Variants in TSC2 observed in about 807,000 individuals in gnomAD.
The protein encoded by TSC2 is tuberin.
In TSC2, 29 loss-of-function variants were observed where a neutral mutation model predicts 202.2. That is an observed-to-expected ratio of 0.14 (90% CI 0.11 to 0.20). The LOEUF (loss-of-function observed/expected upper bound fraction) is 0.20, where lower values mean the gene tolerates loss of function less well. Ranked by LOEUF, TSC2 falls within the 10% of genes least tolerant of loss-of-function variation. TSC2 has a pLI of 1.00. For synonymous variants in TSC2, 1,349 were observed against 1,044.0 expected (o/e 1.29, Z -5.63); for missense variants, 2,429 against 2,420.0 (o/e 1.00, Z -0.08).
At chr16:2,071,480 C>T in intron 17 of TSC2, 30 bp from the exon 18 acceptor site, 1 of 1,612,130 alleles carries the variant, frequency 6.2e-7, no homozygotes, top group Non-Finnish European at 8.5e-7. Flanking sequence ...ACGAGCTTGG[C>T]TCTGGCTTTC....
rs2089828784 is a variant in TSC2, at chr16:2,079,332, G to A, written c.3188G>A (p.Gly1063Glu). The A allele has an allele frequency of 6.2e-7, 1 of 1,613,070 alleles. No individual in the cohort carries two copies. The highest frequency in any genetic ancestry group is 8.5e-7 in the Non-Finnish European group (1 of 1,180,026). The change falls in exon 28 of 42, where the codon GGG (glycine) becomes GAG (glutamate). Residue 1063 changes from glycine to glutamate, a missense_variant. By Grantham distance (98) the Gly-to-Glu change is moderately conservative. Transcript: ENST00000219476. The surrounding 1 kb of genome is among the most constrained non-coding windows in gnomAD (Gnocchi z 4.6). Reference protein sequence around the residue: ...AGGRTKTWLVGNKLVTVTTSV... With the variant: ...AGGRTKTWLVENKLVTVTTSV... ...GGCAGGACCAAAACCTGGCTGGTTG[G>A]GAACAAGCTTGTCACTGTGACGACA...
Position 2,056,716 on chromosome 16 carries a change from G to C in TSC2, c.721G>C (p.Val241Leu), listed in dbSNP as rs200943828. 6.2e-7 allele frequency: 1 copy of C among 1,612,344 alleles called. No homozygotes were observed. Among genetic ancestry groups the C allele is most frequent in the Admixed American group, 1.7e-5 (1 of 60,018 alleles). The part of the protein sequence containing the change: ...LPAESLPLFI[V>L]TLCRTINVKE... The stretch of plus-strand genomic sequence containing the variant: ...GGCTGAGAGCCTCCCGCTGTTCATC[G>C]TTACCCTCTGTCGCACCATCAACGT... Residue 241 changes from valine to leucine, a missense_variant, in exon 8 of 42, where the codon GTT (valine) becomes CTT (leucine). Coordinates refer to ENST00000219476, the MANE Select transcript of TSC2 (RefSeq NM_000548.5).
rs1596246066 is a variant in TSC2 at position 2,050,493 on chromosome 16, T to C, written c.225+7T>C. ...AACCAAGAAATTTGAAGAGGTAGGT[T>C]TATCCAGTTGAGCTACTAGAGAGAG... On this transcript the variant is annotated splice_region_variant and intron_variant, in intron 3 of 41. Coordinates refer to ENST00000219476, the MANE Select transcript of TSC2 (RefSeq NM_000548.5). 1.9e-6 allele frequency: 3 copies of C among 1,613,586 alleles called. No individual in the cohort carries two copies. In the African/African-American group the frequency reaches 4.0e-5, roughly 22 times the overall value.
At chr16:2,084,916 C>CCTGAGCAAG in intron 34 of TSC2, 35 bp from the exon 35 acceptor site, 1 of 1,612,494 alleles carries the variant, frequency 6.2e-7, no homozygotes. Flanking sequence ...TGGCCAGGCC[C>CCTGAGCAAG]TCACCTGGGT....
chr16:2,087,127 CAGTGTA>C lies in TSC2; in HGVS notation c.4989+257_4989+262del, dbSNP rs542785199. ...GCAGACTGGGTGTGCTGGGTGGGCA[CAGTGTA>C]GTTGGTGCTTCCTGTCTGTCCGGCG... On this transcript the variant is annotated intron_variant, in intron 38 of 41. Coordinates refer to ENST00000219476, the MANE Select transcript of TSC2 (RefSeq NM_000548.5). 24 of 573,194 alleles carry C rather than the reference CAGTGTA, an allele frequency of 4.2e-5. No individual in the cohort carries two copies. The East Asian group carries it at 4.4e-4, about 10-fold the overall frequency. The allele number at this position is 573,194 out of a possible 1,614,324, so 35.5% of individuals were successfully genotyped here.
chr16:2,089,444 T>C lies in TSC2; in HGVS notation c.*834T>C, dbSNP rs559158862. On this transcript the variant is annotated 3_prime_UTR_variant, in exon 42 of 42. Transcript: ENST00000219476. ...GGGGGTGGGGCCGGGCACAGCCCGCTGTACCTGAGGACTCGGGGAAATAAA... is the reference window on the plus strand; with the variant it reads ...GGGGGTGGGGCCGGGCACAGCCCGCCGTACCTGAGGACTCGGGGAAATAAA... The C allele has an allele frequency of 1.4e-5, 7 of 514,036 alleles. No individual in the cohort carries two copies. In the East Asian group the frequency reaches 2.3e-4, roughly 17 times the overall value. The allele number at this position is 514,036 out of a possible 1,614,324, so 31.8% of individuals were successfully genotyped here.
rs777632769 is a variant in TSC2 at position 2,064,446 on chromosome 16, G to A, written c.1599+19G>A. 18 of 1,612,384 alleles carry A rather than the reference G, an allele frequency of 1.1e-5. No individual in the cohort carries two copies. The highest frequency in any genetic ancestry group is 1.1e-4 in the East Asian group (5 of 44,892). ...CGAGAAGGTGAGAGCCGTTGTACCC[G>A]GGGCCGGGTGCTAGCGTGCCAGAGC... On this transcript the variant is annotated intron_variant, in intron 15 of 41. Coordinates refer to ENST00000219476, the MANE Select transcript of TSC2 (RefSeq NM_000548.5).
Position 2,072,330 on chromosome 16 carries a change from T to C in TSC2, c.2187T>C (p.Ser729=). The C allele has an allele frequency of 1.2e-6, 2 of 1,614,110 alleles. No individual in the cohort carries two copies. Among genetic ancestry groups the C allele is most frequent in the Non-Finnish European group, 1.7e-6 (2 of 1,180,016 alleles). Reference sequence around the variant, plus strand: ...TGCTCATCTTTACTTCCCCTTGCAGTGTGGACCAGCTGTGCTCTGCTCTCT... The same window carrying C: ...TGCTCATCTTTACTTCCCCTTGCAGCGTGGACCAGCTGTGCTCTGCTCTCT... ...YKVLIFTSPC[S]VDQLCSALCS... Residue 729 remains serine, a synonymous_variant, in exon 20 of 42, where the codon AGT becomes AGC. Transcript: ENST00000219476.
chr16:2,079,222 C>CG lies in TSC2; in HGVS notation c.3131+29dup. On this transcript the variant is annotated intron_variant, in intron 27 of 41. Coordinates refer to ENST00000219476, the MANE Select transcript of TSC2 (RefSeq NM_000548.5). The surrounding 1 kb of genome is among the most constrained non-coding windows in gnomAD (Gnocchi z 4.6). Reference sequence around the variant, plus strand: ...GTCCAGGCGGCACTACAGGGCTGGGCGGGCCTGCGGGAGCTCCACGGGCAA... The same window carrying CG: ...GTCCAGGCGGCACTACAGGGCTGGGCGGGGCCTGCGGGAGCTCCACGGGCAA... 1.2e-6 allele frequency: 2 copies of CG among 1,612,828 alleles called. No individual in the cohort carries two copies. The highest frequency in any genetic ancestry group is 2.2e-5 in the South Asian group (2 of 91,074).
rs564070998 is a variant in TSC2, at chr16:2,055,633, C to T, written c.599+114C>T. 5.8e-6 allele frequency: 6 copies of T among 1,033,622 alleles called. No individual in the cohort carries two copies. The South Asian group carries it at 7.6e-5, about 13-fold the overall frequency. The allele number at this position is 1,033,622 out of a possible 1,614,324, so 64.0% of individuals were successfully genotyped here. On this transcript the variant is annotated intron_variant, in intron 6 of 41. Transcript: ENST00000219476. ...TTGGGCTGGGCACAATGGCTCACGC[C>T]TGTAATCTCAGCACTTTGGGAGGCC...
intron 16 of TSC2, chr16:2,066,315 C>G (rs997022464): frequency 6.5e-6 from 1 of 152,680 alleles, no homozygotes; most frequent in African/African-American, 2.4e-5. Flanking sequence ...TGTCCAGGCC[C>G]GTCCAGGCTG....
At position 2,071,579 on chromosome 16, in the gene TSC2, G is replaced by A. The variant is rs2088399918; in HGVS notation, c.1909G>A (p.Val637Ile). ...HRLGLPNKDG[V>I]VRFSPYCVCD... ...CCTGGGCCTGCCCAACAAGGATGGA[G>A]TCGTGCGGTTCAGCCCCTACTGCGT... The change falls in exon 18 of 42, where the codon GTC becomes ATC. Residue 637 changes from valine (V) to isoleucine (I), a missense_variant. Physicochemically the swap from Val to Ile is conservative, Grantham distance 29 (BLOSUM62 3). Transcript: ENST00000219476. 6.2e-7 allele frequency: 1 copy of A among 1,613,416 alleles called. No homozygotes were observed. The highest frequency in any genetic ancestry group is 1.3e-5 in the African/African-American group (1 of 74,944).
In TSC2 at chr16:2,085,230, TCA is replaced by T. The variant is rs2090620654; in HGVS notation, c.4573_4574del (p.Gln1525ValfsTer3). 6.2e-7 allele frequency: 1 copy of T among 1,612,682 alleles called. No homozygotes were observed. Among genetic ancestry groups the T allele is most frequent in the Non-Finnish European group, 8.5e-7 (1 of 1,179,900 alleles). On this transcript the variant is annotated frameshift_variant and splice_region_variant, in exon 36 of 42. Coordinates refer to ENST00000219476, the MANE Select transcript of TSC2 (RefSeq NM_000548.5). LOFTEE classifies it high-confidence loss of function. Reference protein sequence around the residue: ...SNKPILLPNESQSFERSVQLL... With the variant: ...SNKPILLPNEXQSFERSVQLL... ...TCAGGCAGGGCTCTGTGTGCCACAG[TCA>T]CAGTCCTTTGAGCGGTCGGTGCAGC...
Position 2,085,224 on chromosome 16 carries a change from CCA to C in TSC2, c.4570-3_4570-2del, listed in dbSNP as rs2090619495. ...TGGGGCTCAGGCAGGGCTCTGTGTGCCACAGTCACAGTCCTTTGAGCGGTCGG... is the reference window on the plus strand; with the variant it reads ...TGGGGCTCAGGCAGGGCTCTGTGTGCCAGTCACAGTCCTTTGAGCGGTCGG... On this transcript the variant is annotated splice_region_variant and splice_polypyrimidine_tract_variant and intron_variant, in intron 35 of 41. Coordinates refer to ENST00000219476, the MANE Select transcript of TSC2 (RefSeq NM_000548.5). 6.2e-7 allele frequency: 1 copy of C among 1,612,672 alleles called. No homozygotes were observed. Among genetic ancestry groups the C allele is most frequent in the Non-Finnish European group, 8.5e-7 (1 of 1,179,880 alleles).
At chr16:2,066,678 T>C (rs970144824) in intron 16 of TSC2, among the ~76,000 whole-genome samples, 13 of 125,734 alleles carry the variant, frequency 1.0e-4, no homozygotes, top group African/African-American at 3.3e-4. Context: ...TTTTTTTTGA[T>C]ACAGTCTCAC....
chr16:2,065,744 C>A, intron 16 of TSC2, 109 bp downstream of exon 16: 1 of 984,188 alleles, frequency 1.0e-6, no homozygotes, highest in Admixed American at 1.7e-5. Flanking sequence ...CACACCCTCC[C>A]TGGATTTGCT....
chr16:2,085,050 C>T (rs772201040), intron 35 of TSC2, 24 bp downstream of exon 35: 3 of 1,612,754 alleles, frequency 1.9e-6, no homozygotes, highest in South Asian at 1.1e-5. Context: ...CCCTCTCCTG[C>T]ATCCGCTGGA....
rs796053498 is a variant in TSC2, at chr16:2,085,237, C to A, written c.4577C>A (p.Ser1526Tyr). The change falls in exon 36 of 42, where the codon TCC becomes TAC. Residue 1526 changes from serine to tyrosine, a missense_variant. Ser to Tyr is a moderately radical substitution (Grantham distance 144, BLOSUM62 -2). Coordinates refer to ENST00000219476, the MANE Select transcript of TSC2 (RefSeq NM_000548.5). ...GGGCTCTGTGTGCCACAGTCACAGT[C>A]CTTTGAGCGGTCGGTGCAGCTCCTC... is the stretch of plus-strand genomic sequence containing the variant. ...KPILLPNESQ[S>Y]FERSVQLLDQ... The A allele has an allele frequency of 7.4e-5, 120 of 1,612,628 alleles. No individual in the cohort carries two copies. Among genetic ancestry groups the A allele is most frequent in the Non-Finnish European group, 1.0e-4 (120 of 1,179,948 alleles).
intron 2 of TSC2, 139 bp downstream of exon 2, chr16:2,048,892 G>A (rs1361391512): frequency 7.3e-6 from 9 of 1,239,268 alleles, no homozygotes; most frequent in African/African-American, 1.5e-5. Context: ...CTTGGAGGCC[G>A]ACATGTCCTT....
Sources: gnomAD v4.1 joint callset for allele counts (sites outside exome capture counted in the v4.1 genomes callset) on GRCh38, gnomAD v4.1.1 for gene constraint, Gnocchi (gnomAD v3.1) non-coding constraint, MANE v1.5 for transcripts, NCBI Gene and HGNC (gene_info 2026-07-23, HGNC 2026-07-21) for gene names.